Variants in SZT2 observed in about 807,000 individuals in gnomAD.
SZT2 encodes the protein KICSTOR complex protein SZT2.
In SZT2, 216 loss-of-function variants were observed where a neutral mutation model predicts 404.2. The observed-to-expected ratio is 0.53, with a 90% CI of 0.48 to 0.60. The LOEUF is 0.60. SZT2 is among the 20% of genes least tolerant of loss of function. The pLI is 0.00. For synonymous variants in SZT2, 1,693 were observed against 1,749.9 expected (o/e 0.97, Z 0.81); for missense variants, 3,857 against 4,459.2 (o/e 0.86, Z 3.85).
At chr1:43,404,578 C>T (rs1192005783) in intron 4 of SZT2, 28 bp downstream of exon 4, 1 of 1,597,194 alleles carries the variant, frequency 6.3e-7, no homozygotes. Context: ...CAAGTTTGTA[C>T]CCTCAGACCA....
chr1:43,422,123 C>CCCTACTGGCAAACTCAT lies in SZT2; in HGVS notation c.1669_1670insTACTGGCAAACTCATCC (p.Gln557LeufsTer34). 1 of 1,598,022 alleles carries CCCTACTGGCAAACTCAT rather than the reference C, an allele frequency of 6.3e-7. No homozygotes were observed. The highest frequency in any genetic ancestry group is 8.5e-7 in the Non-Finnish European group (1 of 1,179,470). ...CCCAGTGGTTCTGACTCATCCCATG[C>CCCTACTGGCAAACTCAT]CCAGTTTGCTGCCTACTGGAAGCCA... On this transcript the variant is annotated frameshift_variant, in exon 12 of 72. Coordinates refer to ENST00000634258, the MANE Select transcript of SZT2 (RefSeq NM_001365999.1). LOFTEE classifies it high-confidence loss of function.
At chr1:43,399,466 AT>A (rs58653132) in intron 1 of SZT2, among the ~76,000 whole-genome samples, 4,826 of 121,962 alleles carry the variant, frequency 0.04, 156 homozygotes, top group African/African-American at 0.13. Context: ...GCCAGAGGGA[AT>A]TTTTTTTTTT....
intron 4 of SZT2, among the ~76,000 whole-genome samples, chr1:43,413,082 A>T (rs1026130064): frequency 6.6e-6 from 1 of 152,190 alleles, no homozygotes; most frequent in African/African-American, 2.4e-5. Context: ...TACAACCACT[A>T]TGAAGAACAG....
Position 43,443,278 on chromosome 1 carries a change from C to T in SZT2, c.8499+11C>T. The T allele has an allele frequency of 6.2e-6, 10 of 1,614,166 alleles. No homozygotes were observed. The highest frequency in any genetic ancestry group is 8.5e-6 in the Non-Finnish European group (10 of 1,180,014). Reference sequence around the variant, plus strand: ...ACCATGCCCATCAGTGTGAGTGACCCCAGCTTGCATCTTCCTTGAGTATCT... The same window carrying T: ...ACCATGCCCATCAGTGTGAGTGACCTCAGCTTGCATCTTCCTTGAGTATCT... On this transcript the variant is annotated intron_variant, in intron 60 of 71. Transcript: ENST00000634258.
At chr1:43,422,735 C>A in intron 13 of SZT2, 34 bp from the exon 14 acceptor site, 3 of 1,530,432 alleles carry the variant, frequency 2.0e-6, no homozygotes, top group Non-Finnish European at 2.6e-6. Context: ...TCCTGCCAAC[C>A]TTGGGCTGCT....
At position 43,450,304 on chromosome 1, in the gene SZT2, C is replaced by G; in HGVS notation, c.10156-33C>G. 6.2e-7 allele frequency: 1 copy of G among 1,613,808 alleles called. No homozygotes were observed. The highest frequency in any genetic ancestry group is 1.1e-5 in the South Asian group (1 of 91,062). The stretch of plus-strand genomic sequence containing the variant: ...CTCCTATCCCCACCCATGCCCTCCT[C>G]TCACCAGTGCATCCCCACCGTGTTC... On this transcript the variant is annotated intron_variant, in intron 71 of 71. Transcript: ENST00000634258. The surrounding 1 kb of genome is among the most constrained non-coding windows in gnomAD (Gnocchi z 4.3).
intron 7 of SZT2, among the ~76,000 whole-genome samples, chr1:43,417,248 G>A (rs911070167): frequency 6.6e-6 from 1 of 152,182 alleles, no homozygotes; most frequent in Non-Finnish European, 1.5e-5. Context: ...ATTGCAGTGA[G>A]AGAGGATCAG....
intron 13 of SZT2, 49 bp from the exon 14 acceptor site, chr1:43,422,720 C>T: frequency 6.8e-7 from 1 of 1,475,250 alleles, no homozygotes; most frequent in Non-Finnish European, 9.0e-7. Flanking sequence ...GACCTCACTG[C>T]TACTTCCTGC....
In SZT2 at chr1:43,439,277, C is replaced by T; in HGVS notation, c.6793-81C>T. 3 of 1,550,480 alleles carry T rather than the reference C, an allele frequency of 1.9e-6. No homozygotes were observed. Among genetic ancestry groups the T allele is most frequent in the Non-Finnish European group, 2.7e-6 (3 of 1,124,050 alleles). ...CATGCTCCCATATCTACCTGCACCA[C>T]ATTCCCCACTGTGGGCACCCATCCC... On this transcript the variant is annotated intron_variant, in intron 48 of 71. Transcript: ENST00000634258. This position sits in a 1 kb window ranked among gnomAD's most constrained non-coding sequence, Gnocchi z 4.2.
At chr1:43,429,157 C>T (rs751405739) in intron 28 of SZT2, 2 of 155,598 alleles carry the variant, frequency 1.3e-5, no homozygotes, top group African/African-American at 2.4e-5. Flanking sequence ...CACCCTCAAT[C>T]TAGTGATCCA....
chr1:43,431,811 T>C lies in SZT2; in HGVS notation c.5184T>C (p.His1728=), dbSNP rs1250691677. Residue 1728 remains histidine (H), a synonymous_variant, in exon 36 of 72, where the codon CAT becomes CAC. Coordinates refer to ENST00000634258, the MANE Select transcript of SZT2 (RefSeq NM_001365999.1). The stretch of plus-strand genomic sequence containing the variant: ...TGCACCGCGCAGCTGCCCATATCCA[T>C]AGTTCTCCTGGACGCTCCACCTGCC... ...PALHRAAAHI[H]SSPGRSTCLR... is the part of the protein sequence containing the mutation. 6.2e-7 allele frequency: 1 copy of C among 1,614,096 alleles called. No individual in the cohort carries two copies. Among genetic ancestry groups the C allele is most frequent in the East Asian group, 2.2e-5 (1 of 44,894 alleles).
In SZT2 at chr1:43,441,726, C is replaced by G. The variant is rs1219189343; in HGVS notation, c.7650C>G (p.Ser2550=). The change falls in exon 55 of 72, where the codon TCC becomes TCG. Residue 2550 remains serine (S), a synonymous_variant. Coordinates refer to ENST00000634258, the MANE Select transcript of SZT2 (RefSeq NM_001365999.1). This position sits in a 1 kb window ranked among gnomAD's most constrained non-coding sequence, Gnocchi z 4.8. ...SVSRSSAHMV[S]RFLLPSILSE... is the part of the protein sequence containing the mutation. ...CCAGAAGCTCTGCCCACATGGTGTCCCGGTTCCTCCTTCCATCCATCCTGT... is the reference window on the plus strand; with the variant it reads ...CCAGAAGCTCTGCCCACATGGTGTCGCGGTTCCTCCTTCCATCCATCCTGT... The G allele has an allele frequency of 1.9e-6, 3 of 1,614,184 alleles. No individual in the cohort carries two copies. The highest frequency in any genetic ancestry group is 2.5e-6 in the Non-Finnish European group (3 of 1,180,036).
In SZT2 at chr1:43,451,780, G is replaced by C. The variant is rs755090595; in HGVS notation, c.*1300G>C. On this transcript the variant is annotated 3_prime_UTR_variant, in exon 72 of 72. Coordinates refer to ENST00000634258, the MANE Select transcript of SZT2 (RefSeq NM_001365999.1). ...CCCCGCCCTCCTTCCGATCTGCGAA[G>C]TACCCCCTTCCACTTACCATTTGTA... The C allele has an allele frequency of 1.2e-6, 2 of 1,613,948 alleles. No homozygotes were observed. The highest frequency in any genetic ancestry group is 1.7e-6 in the Non-Finnish European group (2 of 1,179,990).
At position 43,407,564 on chromosome 1, in the gene SZT2, G is replaced by A. The variant is rs191168455; in HGVS notation, c.498+3014G>A. Among the ~76,000 whole-genome samples, 48 of 151,838 alleles carry A rather than the reference G, an allele frequency of 3.2e-4. 1 individual carries two copies. The highest frequency in any genetic ancestry group is 1.9e-3 in the East Asian group (10 of 5,138). On this transcript the variant is annotated intron_variant, in intron 4 of 71. Coordinates refer to ENST00000634258, the MANE Select transcript of SZT2 (RefSeq NM_001365999.1). ...CTGTTAAATCACAGCACAGCAGTGCGTGCCTGTAATCCCAGCTACTTGGGA... is the reference window on the plus strand; with the variant it reads ...CTGTTAAATCACAGCACAGCAGTGCATGCCTGTAATCCCAGCTACTTGGGA...
Position 43,426,945 on chromosome 1 carries a change from T to C in SZT2, c.3310-111T>C, listed in dbSNP as rs986789997. 6.4e-7 allele frequency: 1 copy of C among 1,570,442 alleles called. No homozygotes were observed. The highest frequency in any genetic ancestry group is 8.7e-7 in the Non-Finnish European group (1 of 1,150,726). ...GACACAATGCCGTCATTTTCCATTGTCCTGGATCTTTCAAGCTATACCTAA... is the reference window on the plus strand; with the variant it reads ...GACACAATGCCGTCATTTTCCATTGCCCTGGATCTTTCAAGCTATACCTAA... On this transcript the variant is annotated intron_variant, in intron 23 of 71. Transcript: ENST00000634258. The surrounding 1 kb of genome is among the most constrained non-coding windows in gnomAD (Gnocchi z 4.9).
In SZT2 at chr1:43,447,599, T is replaced by G. The variant is rs1308312817; in HGVS notation, c.9341T>G (p.Val3114Gly). The change falls in exon 67 of 72, where the codon GTG becomes GGG. Residue 3114 changes from valine to glycine, a missense_variant. This residue lies in a region of SZT2 where 717 missense variants were observed against 868.2 expected (regional missense o/e 0.83). Coordinates refer to ENST00000634258, the MANE Select transcript of SZT2 (RefSeq NM_001365999.1). Reference protein sequence around the residue: ...LIAAHQLYNYVADHASSYHMK... With the variant: ...LIAAHQLYNYGADHASSYHMK... ...GCTGCCCACCAGCTATACAACTACG[T>G]GGCTGATCACGCCAGCTCTTACCAC... 6.2e-7 allele frequency: 1 copy of G among 1,614,080 alleles called. No individual in the cohort carries two copies. The highest frequency in any genetic ancestry group is 8.5e-7 in the Non-Finnish European group (1 of 1,180,038).
intron 4 of SZT2, among the ~76,000 whole-genome samples, chr1:43,413,091 A>G (rs1008611156): frequency 2.6e-5 from 4 of 152,218 alleles, no homozygotes; most frequent in African/African-American, 9.6e-5. Flanking sequence ...TATGAAGAAC[A>G]GTTTGGAGGT....
Position 43,441,386 on chromosome 1 carries a change from T to G in SZT2, c.7511+6T>G. 6.2e-7 allele frequency: 1 copy of G among 1,613,832 alleles called. No homozygotes were observed. The highest frequency in any genetic ancestry group is 8.5e-7 in the Non-Finnish European group (1 of 1,179,872). On this transcript the variant is annotated splice_donor_region_variant and intron_variant, in intron 53 of 71. Coordinates refer to ENST00000634258, the MANE Select transcript of SZT2 (RefSeq NM_001365999.1). The surrounding 1 kb of genome is among the most constrained non-coding windows in gnomAD (Gnocchi z 4.8). ...TCTGGAGCCCAGAGACAAAAGTATG[T>G]GTGTGGTGGTGGTGTGCCCTGGGAG... is the stretch of plus-strand genomic sequence containing the variant.
At chr1:43,421,113 G>A in intron 10 of SZT2, 61 bp from the exon 11 acceptor site, 1 of 1,596,744 alleles carries the variant, frequency 6.3e-7, no homozygotes, top group Non-Finnish European at 8.5e-7. Context: ...TCCCCCTAAG[G>A]CTCCCCTCAT....
Sources: allele counts gnomAD v4.1 joint callset (sites outside exome capture counted in the v4.1 genomes callset), GRCh38; gene constraint gnomAD v4.1.1; regional missense constraint gnomAD v4.1.1; non-coding constraint Gnocchi (gnomAD v3.1); transcripts MANE v1.5; gene names NCBI Gene and HGNC (gene_info 2026-07-23, HGNC 2026-07-21).